Variants in OR56A3 observed in about 807,000 individuals in gnomAD.
OR56A3 encodes the protein olfactory receptor 56A3.
In OR56A3, 23 loss-of-function variants were observed where a neutral mutation model predicts 17.5. The observed-to-expected ratio is 1.32, with a 90% CI of 0.95 to 1.87. The LOEUF is 1.87. Ranked by LOEUF, OR56A3 falls within the 40% of genes most tolerant of loss-of-function variation. The pLI, the probability that OR56A3 is intolerant of heterozygous loss-of-function variation, is 0.00. For synonymous variants in OR56A3, 175 were observed against 150.6 expected (o/e 1.16, Z -1.19); for missense variants, 366 against 380.1 (o/e 0.96, Z 0.31).
the OR56A3 span, among the ~76,000 whole-genome samples, chr11:5,979,071 T>A: frequency 6.8e-6 from 1 of 147,274 alleles, no homozygotes; most frequent in Admixed American, 7.0e-5. Flanking sequence ...CCCTATCTGA[T>A]CATGGTGGAT....
chr11:6,010,569 A>G, the OR56A3 span, among the ~76,000 whole-genome samples: 5 of 152,340 alleles, frequency 3.3e-5, no homozygotes, highest in Admixed American at 6.5e-5. Context: ...CCAGGCTCCC[A>G]TCAGACATTG....
chr11:5,945,913 G>C (rs1847866848), intron 2 of OR56A3, among the ~76,000 whole-genome samples: 1 of 152,166 alleles, frequency 6.6e-6, no homozygotes, highest in Non-Finnish European at 1.5e-5. Flanking sequence ...TGATGAAAAG[G>C]AATTTCACAC....
chr11:5,989,855 A>C, the OR56A3 span, among the ~76,000 whole-genome samples: 1 of 152,216 alleles, frequency 6.6e-6, no homozygotes, highest in Non-Finnish European at 1.5e-5. Flanking sequence ...GAAAAGCAGA[A>C]AGGACTTTAT....
At chr11:5,983,992 TC>T in the OR56A3 span, among the ~76,000 whole-genome samples, 1 of 152,216 alleles carries the variant, frequency 6.6e-6, no homozygotes, top group East Asian at 1.9e-4. Context: ...CCGCTAAGGT[TC>T]CATTTATGAG....
chr11:5,966,395 A>G, the OR56A3 span, among the ~76,000 whole-genome samples: 7 of 152,054 alleles, frequency 4.6e-5, no homozygotes, highest in African/African-American at 9.7e-5. Context: ...AAAAGAAACA[A>G]GAAAAGAAAA....
Position 5,949,323 on chromosome 11 carries a change from G to C in OR56A3, c.*1029G>C, listed in dbSNP as rs1287637600. 2 of 152,102 alleles carry C rather than the reference G, an allele frequency of 1.3e-5. No homozygotes were observed. Among genetic ancestry groups the C allele is most frequent in the African/African-American group, 4.8e-5 (2 of 41,414 alleles). 9.4% of individuals were successfully genotyped at this position (152,102 alleles called of 1,614,324 possible). A position where few individuals can be genotyped will look rare whatever the true frequency, so the allele number is the denominator to read the frequency against. Reference sequence around the variant, plus strand: ...CTAAACTGTAGAGCAGTGAGGAATGGGATAAAAGATATGTATGGGCAGTAA... The same window carrying C: ...CTAAACTGTAGAGCAGTGAGGAATGCGATAAAAGATATGTATGGGCAGTAA... On this transcript the variant is annotated 3_prime_UTR_variant, in exon 3 of 3. Coordinates refer to ENST00000641160, the MANE Select transcript of OR56A3 (RefSeq NM_001003443.3).
chr11:6,012,822 A>G, the OR56A3 span, among the ~76,000 whole-genome samples: 3 of 152,156 alleles, frequency 2.0e-5, no homozygotes, highest in Admixed American at 2.0e-4. Flanking sequence ...CTTTCCTCCA[A>G]CACTTGTCAG....
the OR56A3 span, chr11:6,003,182 G>C: frequency 1.2e-5 from 17 of 1,397,226 alleles, no homozygotes. Context: ...TGTATCATAT[G>C]CCAGCCACAA....
the OR56A3 span, among the ~76,000 whole-genome samples, chr11:5,981,621 T>C: frequency 1.9e-4 from 29 of 152,332 alleles, 1 homozygote; most frequent in East Asian, 5.0e-3. Context: ...TGAATCTCTG[T>C]GATCTTTGTT....
chr11:5,990,137 A>G, the OR56A3 span, among the ~76,000 whole-genome samples: 1 of 152,234 alleles, frequency 6.6e-6, no homozygotes, highest in African/African-American at 2.4e-5. Flanking sequence ...GGGACTCTGC[A>G]TTACTTATTT....
chr11:6,003,380 A>C, the OR56A3 span, among the ~76,000 whole-genome samples: 1 of 152,222 alleles, frequency 6.6e-6, no homozygotes, highest in Non-Finnish European at 1.5e-5. Context: ...ATATGATTTC[A>C]GTACACTTTA....
Position 5,947,664 on chromosome 11 carries a change from C to G in OR56A3, c.318C>G (p.Tyr106Ter). The G allele has an allele frequency of 6.2e-7, 1 of 1,614,202 alleles. No individual in the cohort carries two copies. The highest frequency in any genetic ancestry group is 8.5e-7 in the Non-Finnish European group (1 of 1,180,034). ...ISFPACFLQM[Y>*]IMNCFLAMES... ...TCCCTGCCTGCTTCCTCCAGATGTA[C>G]ATCATGAATTGTTTCCTAGCCATGG... Residue 106 changes from tyrosine to a stop codon, truncating the protein, a stop_gained, in exon 3 of 3, where the codon TAC becomes TAG. Transcript: ENST00000641160. LOFTEE classifies it high-confidence loss of function.
the OR56A3 span, chr11:5,995,058 G>A: frequency 3.4e-5 from 21 of 622,096 alleles, no homozygotes; most frequent in Non-Finnish European, 5.5e-5. Context: ...CTGCATAGAC[G>A]CTGGCCGCAC....
Position 5,948,091 on chromosome 11 carries a change from T to G in OR56A3, c.745T>G (p.Phe249Val). The change falls in exon 3 of 3, where the codon TTC (phenylalanine) becomes GTC (valine). Residue 249 changes from phenylalanine to valine, a missense_variant. By Grantham distance (50) the Phe-to-Val change is conservative. Coordinates refer to ENST00000641160, the MANE Select transcript of OR56A3 (RefSeq NM_001003443.3). ...GGCCCTAAGCACATGTGGCTCCCAC[T>G]TCATGCTCATCCTCTTCTTCAGCAC... ...AKALSTCGSH[F>V]MLILFFSTIL... The G allele has an allele frequency of 6.2e-7, 1 of 1,614,246 alleles. No homozygotes were observed. Among genetic ancestry groups the G allele is most frequent in the Non-Finnish European group, 8.5e-7 (1 of 1,180,046 alleles).
chr11:6,002,844 A>G, the OR56A3 span: 1 of 1,614,004 alleles, frequency 6.2e-7, no homozygotes, highest in Non-Finnish European at 8.5e-7. Context: ...CTGGATGGTG[A>G]TCAGGAGGGT....
chr11:6,020,291 G>A, the OR56A3 span: 54 of 152,216 alleles, frequency 3.5e-4, no homozygotes, highest in Middle Eastern at 3.4e-3. Context: ...GGCTATTCAG[G>A]CTCTTTTTTG....
the OR56A3 span, chr11:6,019,536 C>T: frequency 2.6e-5 from 4 of 152,184 alleles, no homozygotes; most frequent in African/African-American, 4.8e-5. Context: ...GAAGGAGCAA[C>T]TTACATCTTG....
the OR56A3 span, among the ~76,000 whole-genome samples, chr11:5,998,512 C>T: frequency 4.6e-5 from 7 of 152,148 alleles, no homozygotes. Flanking sequence ...AGGGAAGGGA[C>T]TATCACTCTT....
chr11:5,967,845 A>G, the OR56A3 span: 13 of 1,566,830 alleles, frequency 8.3e-6, no homozygotes, highest in Admixed American at 5.7e-5. Context: ...AGAGAGAACA[A>G]TAAGGATGAG....
Sources: allele counts gnomAD v4.1 joint callset (sites outside exome capture counted in the v4.1 genomes callset), GRCh38; gene constraint gnomAD v4.1.1; transcripts MANE v1.5; gene names NCBI Gene and HGNC (gene_info 2026-07-23, HGNC 2026-07-21).